The following PALM2AKAP2 variants were observed in gnomAD, a reference collection of about 807,000 sequenced individuals.
PALM2AKAP2 encodes PALM2-AKAP2 fusion protein.
In PALM2AKAP2, 37 loss-of-function variants were observed where a neutral mutation model predicts 71.5. That is an observed-to-expected ratio of 0.52 (90% CI 0.40 to 0.68). The LOEUF is 0.68. Ranked by LOEUF, PALM2AKAP2 falls within the 30% of genes least tolerant of loss-of-function variation. The pLI is 0.00. For missense variants in PALM2AKAP2, 1,224 were observed against 1,191.8 expected, an observed-to-expected ratio of 1.03 and a Z score of -0.40; for synonymous variants, 468 against 478.8, an observed-to-expected ratio of 0.98 and a Z score of 0.29.
At chr9:109,655,249 G>A (rs2132236212) in intron 1 of PALM2AKAP2, among the ~76,000 whole-genome samples, 1 of 148,070 alleles carries the variant, frequency 6.8e-6, no homozygotes, top group Non-Finnish European at 1.5e-5. Flanking sequence ...CGCGTGAGCC[G>A]AGATCGGCCA....
At chr9:109,719,308 T>C (rs1828372231) in intron 1 of PALM2AKAP2, among the ~76,000 whole-genome samples, 1 of 152,216 alleles carries the variant, frequency 6.6e-6, no homozygotes, top group Non-Finnish European at 1.5e-5. Flanking sequence ...GTACAATACA[T>C]GAGAGCACTG....
chr9:109,730,422 G>A (rs188736207), intron 1 of PALM2AKAP2, among the ~76,000 whole-genome samples: 6 of 152,258 alleles, frequency 3.9e-5, no homozygotes, highest in Admixed American at 2.0e-4. Context: ...AGGGTCCTCC[G>A]TGCTGGTTTT....
intron 5 of PALM2AKAP2, among the ~76,000 whole-genome samples, chr9:109,929,603 G>A (rs1399679604): frequency 1.3e-5 from 2 of 151,986 alleles, no homozygotes; most frequent in Non-Finnish European, 2.9e-5. Flanking sequence ...GGTGGCTCAC[G>A]CCTGTAATCC....
At chr9:109,690,817 TA>T (rs1375573497) in intron 1 of PALM2AKAP2, among the ~76,000 whole-genome samples, 1 of 152,180 alleles carries the variant, frequency 6.6e-6, no homozygotes, top group African/African-American at 2.4e-5. Flanking sequence ...CCTATACCTT[TA>T]AAGATGAAAC....
intron 7 of PALM2AKAP2, among the ~76,000 whole-genome samples, chr9:110,022,775 G>A (rs982222330): frequency 4.0e-5 from 6 of 149,902 alleles, no homozygotes; most frequent in African/African-American, 1.5e-4. Flanking sequence ...TCCCCTTCCT[G>A]TGTCCATGTG....
intron 3 of PALM2AKAP2, 34 bp from the exon 11 acceptor site, chr9:110,168,365 G>A: frequency 6.2e-7 from 1 of 1,608,124 alleles, no homozygotes; most frequent in South Asian, 1.1e-5. Flanking sequence ...TAACATCCAT[G>A]AACTCTGCAT....
chr9:109,995,131 C>T (rs1832550097), intron 6 of PALM2AKAP2, among the ~76,000 whole-genome samples: 1 of 152,102 alleles, frequency 6.6e-6, no homozygotes, highest in South Asian at 2.1e-4. Flanking sequence ...GGGTGAGCTC[C>T]CATAGGTGAC....
At chr9:109,736,952 C>A (rs80122619) in intron 1 of PALM2AKAP2, among the ~76,000 whole-genome samples, 3 of 152,128 alleles carry the variant, frequency 2.0e-5, no homozygotes, top group Non-Finnish European at 4.4e-5. Context: ...CCACTGTCGC[C>A]GTCTCTTTTG....
chr9:110,113,337 C>G (rs1021302905), intron 1 of PALM2AKAP2, among the ~76,000 whole-genome samples: 1 of 150,850 alleles, frequency 6.6e-6, no homozygotes, highest in African/African-American at 2.4e-5. Flanking sequence ...CTCCCAGGTT[C>G]AAGAGATTCT....
intron 1 of PALM2AKAP2, among the ~76,000 whole-genome samples, chr9:109,711,702 A>G (rs1242517049): frequency 1.3e-5 from 2 of 152,216 alleles, no homozygotes; most frequent in Non-Finnish European, 2.9e-5. Flanking sequence ...AAGTCGCCTT[A>G]AGAAAGCTTA....
exon 2 of PALM2AKAP2, chr9:110,137,863 G>A: frequency 6.2e-7 from 1 of 1,614,178 alleles, no homozygotes; most frequent in Non-Finnish European, 8.5e-7. Flanking sequence ...GCGTCTCCAA[G>A]TCATTTAGTG....
At chr9:109,834,471 C>T (rs184574576) in intron 1 of PALM2AKAP2, among the ~76,000 whole-genome samples, 10 of 152,262 alleles carry the variant, frequency 6.6e-5, no homozygotes, top group Non-Finnish European at 1.5e-5. Context: ...AATATGATGG[C>T]ACTTCCCAAT....
At chr9:109,828,090 T>A (rs1828203085) in intron 1 of PALM2AKAP2, among the ~76,000 whole-genome samples, 1 of 152,192 alleles carries the variant, frequency 6.6e-6, no homozygotes, top group African/African-American at 2.4e-5. Context: ...CAGAGGTCAG[T>A]AGTGTCACTG....
chr9:109,682,244 C>CAGAA (rs1827747902), intron 1 of PALM2AKAP2, among the ~76,000 whole-genome samples: 8 of 152,156 alleles, frequency 5.3e-5, no homozygotes, highest in African/African-American at 1.9e-4. Context: ...ACTCTAATGA[C>CAGAA]CAGAATGTTA....
chr9:109,822,749 ACC>A (rs1238412849), intron 1 of PALM2AKAP2, among the ~76,000 whole-genome samples: 1 of 152,174 alleles, frequency 6.6e-6, no homozygotes, highest in Non-Finnish European at 1.5e-5. Flanking sequence ...GTGTATATGT[ACC>A]ACATTGATGT....
exon 2 of PALM2AKAP2, chr9:110,137,232 T>G: frequency 6.2e-7 from 1 of 1,614,260 alleles, no homozygotes; most frequent in South Asian, 1.1e-5. Flanking sequence ...CAATTTCAGC[T>G]GATGGAGAAT....
chr9:110,022,650 C>A (rs1043163117), intron 7 of PALM2AKAP2, among the ~76,000 whole-genome samples: 1 of 151,436 alleles, frequency 6.6e-6, no homozygotes, highest in African/African-American at 2.4e-5. Context: ...CTTATGTATA[C>A]ATGTGCCATG....
At chr9:110,025,904 T>C (rs1386015628) in intron 7 of PALM2AKAP2, among the ~76,000 whole-genome samples, 1 of 152,178 alleles carries the variant, frequency 6.6e-6, no homozygotes, top group Non-Finnish European at 1.5e-5. Context: ...CACTCTCTCA[T>C]TGCAGCTGCC....
intron 1 of PALM2AKAP2, among the ~76,000 whole-genome samples, chr9:109,645,208 A>T (rs1827131444): frequency 6.6e-6 from 1 of 152,224 alleles, no homozygotes; most frequent in Admixed American, 6.5e-5. Context: ...GCAGAAGGCA[A>T]GGAGGAGCAA....
Sources: gnomAD v4.1 joint callset for allele counts (sites outside exome capture counted in the v4.1 genomes callset) on GRCh38, gnomAD v4.1.1 for gene constraint, MANE v1.5 for transcripts, NCBI Gene and HGNC (gene_info 2026-07-23, HGNC 2026-07-21) for gene names.